The following ZNF839 variants were observed in gnomAD, a reference collection of about 807,000 sequenced individuals.
ZNF839 encodes the protein zinc finger protein 839.
In ZNF839, 38 loss-of-function variants were observed where a neutral mutation model predicts 56.4. The ratio of observed to expected loss-of-function variants is 0.67; its 90% CI spans 0.52 to 0.88. The LOEUF (loss-of-function observed/expected upper bound fraction) is 0.88. ZNF839 is among the 40% of genes least tolerant of loss of function. The pLI is 0.00. For synonymous variants in ZNF839, 486 were observed against 493.5 expected, an observed-to-expected ratio of 0.98 and a Z score of 0.20; for missense variants, 1,091 against 1,177.6, an observed-to-expected ratio of 0.93 and a Z score of 1.08.
chr14:102,329,660 T>C (rs1190837374), intron 2 of ZNF839, among the ~76,000 whole-genome samples: 3 of 151,920 alleles, frequency 2.0e-5, no homozygotes, highest in Admixed American at 2.0e-4. Flanking sequence ...GCTGGGATTA[T>C]AGGCATGAGC....
chr14:102,326,944 A>C lies in ZNF839; in HGVS notation c.1191+57A>C, dbSNP rs1228097217. The stretch of plus-strand genomic sequence containing the variant: ...ATTTGGCCGTTCTCGGATTGCTATA[A>C]AGAAATACCTGAGACCAGGTATTTT... On this transcript the variant is annotated intron_variant, in intron 2 of 7. Transcript: ENST00000442396. The surrounding 1 kb of genome is among the most constrained non-coding windows in gnomAD (Gnocchi z 4.3). 4 of 1,474,214 alleles carry C rather than the reference A, an allele frequency of 2.7e-6. No individual in the cohort carries two copies. In the Admixed American group the frequency reaches 9.8e-5, roughly 36 times the overall value. The allele number at this position is 1,474,214 out of a possible 1,614,324, so 91.3% of individuals were successfully genotyped here.
chr14:102,326,222 G>T lies in ZNF839; in HGVS notation c.526G>T (p.Gly176Trp), dbSNP rs755755494. The change falls in exon 2 of 8, where the codon GGG (glycine) becomes TGG (tryptophan). Residue 176 changes from glycine to tryptophan, a missense_variant. Coordinates refer to ENST00000442396, the MANE Select transcript of ZNF839 (RefSeq NM_018335.6). The surrounding 1 kb of genome is among the most constrained non-coding windows in gnomAD (Gnocchi z 4.3). Reference protein sequence around the residue: ...LSDLCQPPAQGFVQRPLPALQ... With the variant: ...LSDLCQPPAQWFVQRPLPALQ... The stretch of plus-strand genomic sequence containing the variant: ...TGACTTATGCCAACCTCCTGCTCAG[G>T]GGTTTGTACAGAGACCACTGCCAGC... 6.2e-7 allele frequency: 1 copy of T among 1,613,780 alleles called. No individual in the cohort carries two copies. Among genetic ancestry groups the T allele is most frequent in the African/African-American group, 1.3e-5 (1 of 74,904 alleles).
chr14:102,326,811 T>C lies in ZNF839; in HGVS notation c.1115T>C (p.Leu372Pro), dbSNP rs1352141046. ...ACGCTCAGCCTGACCTCCCTGGGGC[T>C]GTCCATGCCAGCGGATCCATGTGAG... ...ERTLSLTSLGLSMPADPCEGG... is the reference protein window; with the variant it reads ...ERTLSLTSLGPSMPADPCEGG... Residue 372 changes from leucine to proline, a missense_variant, in exon 2 of 8, where the codon CTG becomes CCG. By Grantham distance (98) the Leu-to-Pro change is moderately conservative. Coordinates refer to ENST00000442396, the MANE Select transcript of ZNF839 (RefSeq NM_018335.6). This position sits in a 1 kb window ranked among gnomAD's most constrained non-coding sequence, Gnocchi z 4.3. The C allele has an allele frequency of 1.2e-6, 2 of 1,611,634 alleles. No individual in the cohort carries two copies. The highest frequency in any genetic ancestry group is 1.3e-5 in the African/African-American group (1 of 74,874).
At position 102,325,579 on chromosome 14, in the gene ZNF839, C is replaced by T. The variant is rs556004300; in HGVS notation, c.289-406C>T. On this transcript the variant is annotated intron_variant, in intron 1 of 7. Transcript: ENST00000442396. ...GTGGTGCGATCTCAGCTTACTGCAA[C>T]CTCCTCCCGGGTTCAAGCGATTCTC... is the stretch of plus-strand genomic sequence containing the variant. Among the ~76,000 whole-genome samples, 12 of 151,950 alleles carry T rather than the reference C, an allele frequency of 7.9e-5. No homozygotes were observed. In the East Asian group the frequency reaches 2.4e-3, roughly 30 times the overall value.
At chr14:102,328,003 T>C (rs2073510757) in intron 2 of ZNF839, among the ~76,000 whole-genome samples, 1 of 152,036 alleles carries the variant, frequency 6.6e-6, no homozygotes, top group South Asian at 2.1e-4. Flanking sequence ...CAACTCCTGA[T>C]AAAGTAGGTG....
intron 5 of ZNF839, chr14:102,337,355 GAC>G (rs1567295832): frequency 6.6e-6 from 1 of 152,002 alleles, no homozygotes; most frequent in African/African-American, 2.4e-5. Flanking sequence ...TTTTAGTAGA[GAC>G]AGGGTTTCAC....
upstream of ZNF839, among the ~76,000 whole-genome samples, chr14:102,318,373 C>T (rs1433723807): frequency 6.6e-6 from 1 of 152,162 alleles, no homozygotes; most frequent in Non-Finnish European, 1.5e-5. Context: ...TGGCTCACAC[C>T]TGTAATCTCA....
At chr14:102,335,981 C>G (rs1368739278) in intron 5 of ZNF839, 143 bp downstream of exon 5, 19 of 915,640 alleles carry the variant, frequency 2.1e-5, no homozygotes, top group Non-Finnish European at 3.0e-5. Context: ...GAGTTTGAGA[C>G]CAGCCTGGCC....
chr14:102,319,800 G>A lies in ZNF839; in HGVS notation c.35G>A (p.Ser12Asn). 4.9e-6 allele frequency: 6 copies of A among 1,232,224 alleles called. No individual in the cohort carries two copies. The highest frequency in any genetic ancestry group is 6.1e-6 in the Non-Finnish European group (6 of 988,214). 76.3% of individuals were successfully genotyped at this position (1,232,224 alleles called of 1,614,324 possible). A position where few individuals can be genotyped will look rare whatever the true frequency, so the allele number is the denominator to read the frequency against. Reference protein sequence around the residue: ...ADAEPEAGGGSEDGGGGGGPA... With the variant: ...ADAEPEAGGGNEDGGGGGGPA... Reference sequence around the variant, plus strand: ...GCGGAGCCGGAGGCTGGGGGCGGCAGCGAGGATGGCGGCGGCGGCGGCGGC... The same window carrying A: ...GCGGAGCCGGAGGCTGGGGGCGGCAACGAGGATGGCGGCGGCGGCGGCGGC... Residue 12 changes from serine (S) to asparagine (N), a missense_variant, in exon 1 of 8, where the codon AGC (serine) becomes AAC (asparagine). Physicochemically the swap from Ser to Asn is conservative, Grantham distance 46 (BLOSUM62 1). Transcript: ENST00000442396. The surrounding 1 kb of genome is among the most constrained non-coding windows in gnomAD (Gnocchi z 4.5).
Position 102,326,224 on chromosome 14 carries a change from G to A in ZNF839, c.528G>A (p.Gly176=). Residue 176 remains glycine (G), a synonymous_variant, in exon 2 of 8, where the codon GGG becomes GGA. Coordinates refer to ENST00000442396, the MANE Select transcript of ZNF839 (RefSeq NM_018335.6). The surrounding 1 kb of genome is among the most constrained non-coding windows in gnomAD (Gnocchi z 4.3). ...LSDLCQPPAQ[G]FVQRPLPALQ... is the part of the protein sequence containing the mutation. Reference sequence around the variant, plus strand: ...ACTTATGCCAACCTCCTGCTCAGGGGTTTGTACAGAGACCACTGCCAGCCC... The same window carrying A: ...ACTTATGCCAACCTCCTGCTCAGGGATTTGTACAGAGACCACTGCCAGCCC... 6.2e-7 allele frequency: 1 copy of A among 1,613,902 alleles called. No individual in the cohort carries two copies. The highest frequency in any genetic ancestry group is 8.5e-7 in the Non-Finnish European group (1 of 1,179,886).
chr14:102,339,018 C>T, intron 6 of ZNF839, 65 bp downstream of exon 6: 5 of 1,613,414 alleles, frequency 3.1e-6, no homozygotes, highest in Non-Finnish European at 4.2e-6. Flanking sequence ...TTGGCTTCTT[C>T]TGTTCACACC....
At position 102,326,312 on chromosome 14, in the gene ZNF839, T is replaced by C. The variant is rs1173355441; in HGVS notation, c.616T>C (p.Leu206=). 1.2e-6 allele frequency: 2 copies of C among 1,612,136 alleles called. No homozygotes were observed. Among genetic ancestry groups the C allele is most frequent in the Non-Finnish European group, 1.7e-6 (2 of 1,179,090 alleles). ...PKAPDEQGSM[L]TPLSASDPLA... is the part of the protein sequence containing the mutation. ...GGCTCCAGATGAACAGGGCTCCATG[T>C]TGACCCCTTTGTCTGCCTCTGACCC... is the stretch of plus-strand genomic sequence containing the variant. Residue 206 remains leucine, a synonymous_variant, in exon 2 of 8, where the codon TTG becomes CTG. Transcript: ENST00000442396. The surrounding 1 kb of genome is among the most constrained non-coding windows in gnomAD (Gnocchi z 4.3).
intron 7 of ZNF839, among the ~76,000 whole-genome samples, chr14:102,339,876 A>G (rs919101581): frequency 1.4e-4 from 22 of 152,188 alleles, no homozygotes; most frequent in Non-Finnish European, 2.5e-4. Flanking sequence ...TTCGCTGTAC[A>G]TGCCAGCTGA....
In ZNF839 at chr14:102,332,348, T is replaced by G. The variant is rs2073826968; in HGVS notation, c.1416+502T>G. On this transcript the variant is annotated intron_variant, in intron 3 of 7. Coordinates refer to ENST00000442396, the MANE Select transcript of ZNF839 (RefSeq NM_018335.6). The surrounding 1 kb of genome is among the most constrained non-coding windows in gnomAD (Gnocchi z 4.9). The stretch of plus-strand genomic sequence containing the variant: ...TAGGGTCTCACCTTGTTGGTCAGGC[T>G]GGTCTCAAACTCCCGACCTCGTGAT... Among the ~76,000 whole-genome samples the G allele has an allele frequency of 6.6e-6, 1 of 151,868 alleles. No individual in the cohort carries two copies. Among genetic ancestry groups the G allele is most frequent in the African/African-American group, 2.4e-5 (1 of 41,394 alleles).
chr14:102,331,740 A>G lies in ZNF839; in HGVS notation c.1310A>G (p.Glu437Gly), dbSNP rs1304788438. Residue 437 changes from glutamate to glycine, a missense_variant, in exon 3 of 8, where the codon GAG becomes GGG. Around this residue, in one of 3 missense-constraint regions of ZNF839, gnomAD observed 614 missense variants for 629.2 expected, o/e 0.98. Transcript: ENST00000442396. ...RRRACSETLA[E>G]SRTAVLQQRR... ...CGCGCATGCTCAGAGACCCTTGCAG[A>G]GTCCCGCACAGCTGTCCTCCAGCAG... is the stretch of plus-strand genomic sequence containing the variant. The G allele has an allele frequency of 6.2e-7, 1 of 1,604,874 alleles. No individual in the cohort carries two copies. Among genetic ancestry groups the G allele is most frequent in the African/African-American group, 1.3e-5 (1 of 74,814 alleles).
chr14:102,337,193 A>AC (rs1004423424), intron 5 of ZNF839: 4 of 151,920 alleles, frequency 2.6e-5, no homozygotes, highest in African/African-American at 9.7e-5. Context: ...TTTTTTTGAG[A>AC]CAGAGTCTCG....
intron 4 of ZNF839, chr14:102,335,425 C>T (rs1015903147): frequency 5.4e-6 from 2 of 371,352 alleles, no homozygotes; most frequent in Non-Finnish European, 9.7e-6. Context: ...CTTCCCTTCC[C>T]ACCCTGTCCA....
chr14:102,320,095 G>A (rs1481824968), intron 1 of ZNF839, 42 bp downstream of exon 1: 11 of 1,157,788 alleles, frequency 9.5e-6, no homozygotes, highest in Non-Finnish European at 1.2e-5. Context: ...AGGCCCGAAG[G>A]GGGCCGACGC....
In ZNF839 at chr14:102,326,715, A is replaced by C. The variant is rs1279284381; in HGVS notation, c.1019A>C (p.Gln340Pro). ...TTTAAACTTAACCCAGGCCACGGCC[A>C]GTTGGACCCCGAGATGGTGCTGTCT... The part of the protein sequence containing the change: ...RHFKLNPGHG[Q>P]LDPEMVLSEK... The change falls in exon 2 of 8, where the codon CAG becomes CCG. Residue 340 changes from glutamine to proline, a missense_variant. This residue lies in a region of ZNF839 where 614 missense variants were observed against 629.2 expected (regional missense o/e 0.98). Coordinates refer to ENST00000442396, the MANE Select transcript of ZNF839 (RefSeq NM_018335.6). This position sits in a 1 kb window ranked among gnomAD's most constrained non-coding sequence, Gnocchi z 4.3. The C allele has an allele frequency of 6.2e-7, 1 of 1,613,122 alleles. No homozygotes were observed. Among genetic ancestry groups the C allele is most frequent in the Non-Finnish European group, 8.5e-7 (1 of 1,179,590 alleles).
Sources: gnomAD v4.1 joint callset for allele counts (sites outside exome capture counted in the v4.1 genomes callset) on GRCh38, gnomAD v4.1.1 for gene constraint, gnomAD v4.1.1 regional missense constraint, Gnocchi (gnomAD v3.1) non-coding constraint, MANE v1.5 for transcripts, NCBI Gene and HGNC (gene_info 2026-07-23, HGNC 2026-07-21) for gene names.